Variants in TNS2 observed in about 807,000 individuals in gnomAD.
The protein encoded by TNS2 is tensin 2, also known as tensin-2.
TNS2 carries 77 observed loss-of-function variants against 155.7 expected under a neutral mutation model. The observed-to-expected ratio is 0.49, with a 90% CI of 0.41 to 0.60. The LOEUF (loss-of-function observed/expected upper bound fraction) is 0.60, where lower values mean the gene tolerates loss of function less well. TNS2 is among the 20% of genes least tolerant of loss of function. The probability of loss-of-function intolerance (pLI) is 0.00; values close to 1 mark genes in which losing one functional copy is unlikely to be tolerated. For synonymous variants in TNS2, 726 were observed against 763.9 expected, an observed-to-expected ratio of 0.95 and a Z score of 0.82; for missense variants, 1,703 against 1,868.8, an observed-to-expected ratio of 0.91 and a Z score of 1.64.
chr12:53,061,767 A>G, intron 21 of TNS2, 48 bp from the exon 22 acceptor site: 1 of 1,583,488 alleles, frequency 6.3e-7, no homozygotes, highest in Non-Finnish European at 8.6e-7. Context: ...GGCTCAGTCC[A>G]CCCCTGTGAA....
intron 21 of TNS2, 158 bp from the exon 22 acceptor site, chr12:53,061,657 C>T: frequency 7.2e-6 from 10 of 1,395,454 alleles, no homozygotes; most frequent in Non-Finnish European, 9.7e-6. Flanking sequence ...TGGTCAAAAC[C>T]CCTGTGAACT....
In TNS2 at chr12:53,062,652, CCCA is replaced by C; in HGVS notation, c.3782_3784del (p.Thr1261del). ...GGAAGAGACCCCAGAGGCTCCAGTG[CCCA>C]CCAACATGAGCACAGCGGCAGACCT... is the stretch of plus-strand genomic sequence containing the variant. On this transcript the variant is annotated inframe_deletion, in exon 25 of 29. Coordinates refer to ENST00000314250, the MANE Select transcript of TNS2 (RefSeq NM_170754.4). The C allele has an allele frequency of 6.2e-7, 1 of 1,614,008 alleles. No individual in the cohort carries two copies. Among genetic ancestry groups the C allele is most frequent in the Non-Finnish European group, 8.5e-7 (1 of 1,179,968 alleles).
At chr12:53,047,905 C>T (rs1943784370), upstream of TNS2, among the ~76,000 whole-genome samples, 1 of 152,192 alleles carries the variant, frequency 6.6e-6, no homozygotes, top group Admixed American at 6.5e-5. Flanking sequence ...GGGCCTTACC[C>T]CTCCTCCGCG....
chr12:53,053,148 A>G (rs1944001569), intron 3 of TNS2: 9 of 497,224 alleles, frequency 1.8e-5, no homozygotes, highest in South Asian at 1.4e-4. Context: ...GGCTCTATAT[A>G]TAACTCCTGC....
chr12:53,047,451 G>C (rs998165880), upstream of TNS2, among the ~76,000 whole-genome samples: 5 of 144,624 alleles, frequency 3.5e-5, no homozygotes, highest in African/African-American at 1.2e-4. Context: ...GCGGGCGCCA[G>C]GGGGCGCGGG....
intron 21 of TNS2, 163 bp downstream of exon 21, chr12:53,061,632 C>A: frequency 7.5e-7 from 1 of 1,331,354 alleles, no homozygotes; most frequent in Non-Finnish European, 1.0e-6. Context: ...TGGGCCAAGG[C>A]GGTGAGATCC....
chr12:53,050,290 G>T lies in TNS2; in HGVS notation c.75+30G>T. The T allele has an allele frequency of 6.3e-7, 1 of 1,579,556 alleles. No homozygotes were observed. Among genetic ancestry groups the T allele is most frequent in the South Asian group, 1.2e-5 (1 of 86,868 alleles). ...GAGTGCCCACCAGCTGGGCAAAAGA[G>T]GGGCAGGGGTGGAGGTGCGGGCAGT... is the stretch of plus-strand genomic sequence containing the variant. On this transcript the variant is annotated intron_variant, in intron 1 of 28. Transcript: ENST00000314250. This position sits in a 1 kb window ranked among gnomAD's most constrained non-coding sequence, Gnocchi z 4.7.
intron 1 of TNS2, among the ~76,000 whole-genome samples, chr12:53,051,593 G>A (rs1285231043): frequency 1.3e-5 from 2 of 152,186 alleles, no homozygotes; most frequent in African/African-American, 4.8e-5. Context: ...TCACACACCA[G>A]GGCCATGTGA....
chr12:53,057,444 C>T, intron 11 of TNS2, 123 bp from the exon 12 acceptor site: 2 of 799,526 alleles, frequency 2.5e-6, no homozygotes, highest in Non-Finnish European at 4.1e-6. Context: ...TTTCTGGTGA[C>T]CCGGAAGATG....
intron 8 of TNS2, 72 bp from the exon 9 acceptor site, chr12:53,055,496 C>T (rs1201148707): frequency 7.2e-6 from 11 of 1,534,202 alleles, no homozygotes; most frequent in Non-Finnish European, 8.8e-6. Flanking sequence ...TATGCCCTGT[C>T]CCCTTTCCAC....
Position 53,054,014 on chromosome 12 carries a change from G to A in TNS2, c.350G>A (p.Arg117Lys). ...TCAAAGCAGCGCAGCACTCTGCCCAGGTAAGTGAGGGTGCTGGGGTGGTCC... is the reference window on the plus strand; with the variant it reads ...TCAAAGCAGCGCAGCACTCTGCCCAAGTAAGTGAGGGTGCTGGGGTGGTCC... ...NHSKQRSTLP[R>K]SFSLDPLMER... Residue 117 changes from arginine to lysine, a missense_variant and splice_region_variant, in exon 6 of 29, where the codon AGG (arginine) becomes AAG (lysine). Coordinates refer to ENST00000314250, the MANE Select transcript of TNS2 (RefSeq NM_170754.4). 1 of 1,614,174 alleles carries A rather than the reference G, an allele frequency of 6.2e-7. No individual in the cohort carries two copies. Among genetic ancestry groups the A allele is most frequent in the Non-Finnish European group, 8.5e-7 (1 of 1,180,020 alleles).
intron 6 of TNS2, 101 bp downstream of exon 6, chr12:53,054,115 C>G: frequency 6.3e-7 from 1 of 1,577,058 alleles, no homozygotes; most frequent in Non-Finnish European, 8.7e-7. Context: ...CGGGACAGCC[C>G]CCCACCCCCA....
chr12:53,054,839 A>ATTT (rs71095973), intron 7 of TNS2, among the ~76,000 whole-genome samples: 58 of 94,252 alleles, frequency 6.2e-4, no homozygotes, highest in Admixed American at 8.9e-4. Context: ...CGCCCAGCCA[A>ATTT]TTTTTTTTTT....
Position 53,060,670 on chromosome 12 carries a change from T to C in TNS2, c.2769-5T>C. The C allele has an allele frequency of 1.3e-6, 2 of 1,581,162 alleles. No individual in the cohort carries two copies. The highest frequency in any genetic ancestry group is 1.7e-6 in the Non-Finnish European group (2 of 1,160,348). On this transcript the variant is annotated splice_region_variant and splice_polypyrimidine_tract_variant and intron_variant, in intron 19 of 28. Transcript: ENST00000314250. The surrounding 1 kb of genome is among the most constrained non-coding windows in gnomAD (Gnocchi z 6.1). ...CTGCTGACCATCTGCCCTTCCACCC[T>C]ACAGCACCCGGCGACAGGACACCAG...
chr12:53,055,402 A>C (rs892729355), intron 8 of TNS2, among the ~76,000 whole-genome samples, 166 bp downstream of exon 8: 1 of 152,154 alleles, frequency 6.6e-6, no homozygotes, highest in Admixed American at 6.5e-5. Flanking sequence ...GTGATGCAGC[A>C]GGTATCAGCC....
In TNS2 at chr12:53,053,264, C is replaced by A; in HGVS notation, c.223-147C>A. On this transcript the variant is annotated intron_variant, in intron 3 of 28. Coordinates refer to ENST00000314250, the MANE Select transcript of TNS2 (RefSeq NM_170754.4). ...GGACCAAGAGGCCAGAGGGGAGGTG[C>A]CCTTAAATAGCGCAACCTCAGCTGG... 12 of 876,486 alleles carry A rather than the reference C, an allele frequency of 1.4e-5. No individual in the cohort carries two copies. In the South Asian group the frequency reaches 1.7e-4, roughly 12 times the overall value. The allele number at this position is 876,486 out of a possible 1,614,324, so 54.3% of individuals were successfully genotyped here.
Position 53,059,514 on chromosome 12 carries a change from G to C in TNS2, c.1873G>C (p.Gly625Arg). 6.3e-7 allele frequency: 1 copy of C among 1,581,796 alleles called. No individual in the cohort carries two copies. Among genetic ancestry groups the C allele is most frequent in the Admixed American group, 1.8e-5 (1 of 54,358 alleles). Residue 625 changes from glycine to arginine, a missense_variant, in exon 18 of 29, where the codon GGC (glycine) becomes CGC (arginine). Coordinates refer to ENST00000314250, the MANE Select transcript of TNS2 (RefSeq NM_170754.4). This position sits in a 1 kb window ranked among gnomAD's most constrained non-coding sequence, Gnocchi z 4.7. ...TLERRRLAYG[G>R]YEGSPQGYAE... is the part of the protein sequence containing the mutation. ...GGAGAGGAGGCGACTGGCCTACGGG[G>C]GCTATGAGGGATCCCCCCAGGGCTA...
In TNS2 at chr12:53,055,254, TG is replaced by T; in HGVS notation, c.573+19del. ...ACCCCAAGGTATGAAGGAAATGGCC[TG>T]CCCAACCATTAAACCAAGCCACCCC... On this transcript the variant is annotated intron_variant, in intron 8 of 28. Coordinates refer to ENST00000314250, the MANE Select transcript of TNS2 (RefSeq NM_170754.4). 1 of 1,613,344 alleles carries T rather than the reference TG, an allele frequency of 6.2e-7. No individual in the cohort carries two copies. The highest frequency in any genetic ancestry group is 8.5e-7 in the Non-Finnish European group (1 of 1,179,634).
In TNS2 at chr12:53,059,037, C is replaced by T; in HGVS notation, c.1406-10C>T. ...CTTGCCCTCCCTCCCTGATCCTCTT[C>T]CCCACTCAGGCTCCTTGACCCACAC... On this transcript the variant is annotated splice_polypyrimidine_tract_variant and intron_variant, in intron 17 of 28. Coordinates refer to ENST00000314250, the MANE Select transcript of TNS2 (RefSeq NM_170754.4). The surrounding 1 kb of genome is among the most constrained non-coding windows in gnomAD (Gnocchi z 4.7). 6.5e-7 allele frequency: 1 copy of T among 1,536,620 alleles called. No individual in the cohort carries two copies. The highest frequency in any genetic ancestry group is 8.8e-7 in the Non-Finnish European group (1 of 1,142,126).
Sources: gnomAD v4.1 joint callset for allele counts (sites outside exome capture counted in the v4.1 genomes callset) on GRCh38, gnomAD v4.1.1 for gene constraint, Gnocchi (gnomAD v3.1) non-coding constraint, MANE v1.5 for transcripts, NCBI Gene and HGNC (gene_info 2026-07-23, HGNC 2026-07-21) for gene names.